The following HDAC9 variants were observed in gnomAD, a reference collection of about 807,000 sequenced individuals.
HDAC9 encodes histone deacetylase 9, also known as MEF-2 interacting transcription repressor (MITR) protein.
Under a neutral mutation model 139.4 loss-of-function variants are expected in HDAC9, and 41 were observed. The observed-to-expected ratio is 0.29, with a 90% CI of 0.23 to 0.38. The LOEUF (loss-of-function observed/expected upper bound fraction) is 0.38. Ranked by LOEUF, HDAC9 falls within the 10% of genes least tolerant of loss-of-function variation. HDAC9 has a pLI of 1.00. For synonymous variants in HDAC9, 517 were observed against 476.2 expected, an observed-to-expected ratio of 1.09 and a Z score of -1.12; for missense variants, 1,147 against 1,297.0, an observed-to-expected ratio of 0.88 and a Z score of 1.78.
intron 1 of HDAC9, among the ~76,000 whole-genome samples, chr7:18,371,985 C>A (rs572035490): frequency 2.0e-5 from 3 of 152,076 alleles, no homozygotes; most frequent in Admixed American, 2.0e-4. Context: ...ACTTAGGGAC[C>A]CTTTGGATTA....
intron 6 of HDAC9, among the ~76,000 whole-genome samples, chr7:18,601,928 C>A (rs893887491): frequency 6.6e-6 from 1 of 152,114 alleles, no homozygotes; most frequent in Non-Finnish European, 1.5e-5. Context: ...CAATGGCTAT[C>A]TATTCCTATA....
At chr7:18,756,405 T>C (rs1433638275) in intron 14 of HDAC9, among the ~76,000 whole-genome samples, 1 of 152,220 alleles carries the variant, frequency 6.6e-6, no homozygotes, top group East Asian at 1.9e-4. Context: ...AAAAATTCTC[T>C]TATTTTTCAA....
At chr7:18,383,194 A>C (rs1434214488) in intron 1 of HDAC9, among the ~76,000 whole-genome samples, 1 of 152,230 alleles carries the variant, frequency 6.6e-6, no homozygotes, top group African/African-American at 2.4e-5. Context: ...AGATATTAAA[A>C]TGCATATCAT....
At chr7:18,855,798 C>T (rs1446365153) in intron 21 of HDAC9, among the ~76,000 whole-genome samples, 1 of 152,012 alleles carries the variant, frequency 6.6e-6, no homozygotes, top group Non-Finnish European at 1.5e-5. Context: ...GATTCTATTA[C>T]CAACTTGGTC....
At chr7:18,643,826 A>G (rs1479627261) in intron 8 of HDAC9, among the ~76,000 whole-genome samples, 1 of 152,036 alleles carries the variant, frequency 6.6e-6, no homozygotes, top group Non-Finnish European at 1.5e-5. Context: ...TTTTTCAGGG[A>G]TGTTGTTCCC....
At chr7:18,944,105 T>A (rs527455034) in intron 23 of HDAC9, among the ~76,000 whole-genome samples, 1 of 152,288 alleles carries the variant, frequency 6.6e-6, no homozygotes, top group Admixed American at 6.5e-5. Flanking sequence ...CACAACTAAT[T>A]GCAGACTTCT....
intron 17 of HDAC9, among the ~76,000 whole-genome samples, chr7:18,816,101 T>G (rs1240501602): frequency 6.6e-6 from 1 of 152,212 alleles, no homozygotes; most frequent in African/African-American, 2.4e-5. Context: ...TTTACTAATT[T>G]GAATGTCAAT....
At chr7:18,253,845 A>T (rs1461849836) in intron 2 of HDAC9, among the ~76,000 whole-genome samples, 1 of 152,184 alleles carries the variant, frequency 6.6e-6, no homozygotes, top group Non-Finnish European at 1.5e-5. Context: ...GATTGTGTTG[A>T]AGGGTTCATT....
At chr7:18,746,883 G>A (rs1240665818) in intron 13 of HDAC9, among the ~76,000 whole-genome samples, 2 of 151,472 alleles carry the variant, frequency 1.3e-5, no homozygotes, top group Non-Finnish European at 2.9e-5. Flanking sequence ...ATGCTTGAAG[G>A]AGATCCAGAG....
chr7:18,984,625 T>C (rs1160345749), intron 25 of HDAC9, among the ~76,000 whole-genome samples: 1 of 151,522 alleles, frequency 6.6e-6, no homozygotes, highest in Non-Finnish European at 1.5e-5. Flanking sequence ...TGTAGATAAA[T>C]TGTTGAGAAA....
intron 1 of HDAC9, among the ~76,000 whole-genome samples, chr7:18,121,650 TG>T (rs1784372031): frequency 6.6e-6 from 1 of 152,158 alleles, no homozygotes; most frequent in South Asian, 2.1e-4. Context: ...CACAGAGATG[TG>T]CTCAGTGTGG....
At chr7:18,100,105 G>A (rs773999515) in intron 1 of HDAC9, among the ~76,000 whole-genome samples, 2 of 151,840 alleles carry the variant, frequency 1.3e-5, no homozygotes, top group Non-Finnish European at 2.9e-5. Flanking sequence ...TTCTAGGTCA[G>A]TTTTTTTCTT....
At chr7:18,482,452 T>A (rs58771218) in intron 1 of HDAC9, among the ~76,000 whole-genome samples, 107 of 144,296 alleles carry the variant, frequency 7.4e-4, no homozygotes, top group African/African-American at 2.2e-3. Context: ...GGATTTTTTT[T>A]AAAAACTATT....
In HDAC9 at chr7:18,668,308, T is replaced by C. The variant is rs1418407036; in HGVS notation, c.1731+1832T>C. On this transcript the variant is annotated intron_variant, in intron 12 of 25. Transcript: ENST00000686413. ...ATATTTTGGTTAGTATATTCCTTCATATTAAAATGACTTTTTGTCAGTTGT... is the reference window on the plus strand; with the variant it reads ...ATATTTTGGTTAGTATATTCCTTCACATTAAAATGACTTTTTGTCAGTTGT... 6 of 955,798 alleles carry C rather than the reference T, an allele frequency of 6.3e-6. No individual in the cohort carries two copies. In the Admixed American group the frequency reaches 1.9e-4, roughly 30 times the overall value. 59.2% of individuals were successfully genotyped at this position (955,798 alleles called of 1,614,324 possible). A position where few individuals can be genotyped will look rare whatever the true frequency, so the allele number is the denominator to read the frequency against.
At chr7:18,529,759 C>T (rs1380638394) in intron 2 of HDAC9, among the ~76,000 whole-genome samples, 1 of 152,084 alleles carries the variant, frequency 6.6e-6, no homozygotes, top group South Asian at 2.1e-4. Context: ...TCATTGGATT[C>T]ACCAATGTTT....
intron 24 of HDAC9, among the ~76,000 whole-genome samples, chr7:18,972,254 A>G (rs1224162498): frequency 2.0e-5 from 3 of 151,466 alleles, no homozygotes; most frequent in East Asian, 3.9e-4. Flanking sequence ...GCCTACCACT[A>G]TTATTTATAA....
intron 1 of HDAC9, among the ~76,000 whole-genome samples, chr7:18,117,123 G>C (rs1181630503): frequency 6.6e-6 from 1 of 152,120 alleles, no homozygotes; most frequent in Non-Finnish European, 1.5e-5. Context: ...CAAGAGGTCT[G>C]TTTAAATCTG....
chr7:18,516,798 T>G (rs1803343939), intron 2 of HDAC9, among the ~76,000 whole-genome samples: 1 of 148,660 alleles, frequency 6.7e-6, no homozygotes, highest in African/African-American at 2.5e-5. Flanking sequence ...GAGGCAGAGG[T>G]TGCAGTAAGC....
intron 2 of HDAC9, among the ~76,000 whole-genome samples, chr7:18,202,508 C>T (rs1791207497): frequency 6.6e-6 from 1 of 152,124 alleles, no homozygotes; most frequent in Non-Finnish European, 1.5e-5. Flanking sequence ...TTCTCCTTTA[C>T]TGTTTTTATG....
Sources: allele counts gnomAD v4.1 joint callset (sites outside exome capture counted in the v4.1 genomes callset), GRCh38; gene constraint gnomAD v4.1.1; transcripts MANE v1.5; gene names NCBI Gene and HGNC (gene_info 2026-07-23, HGNC 2026-07-21).